ERAP1: variants seen among roughly 807,000 people sequenced by gnomAD.
ERAP1 encodes the protein adipocyte-derived leucine aminopeptidase.
A neutral mutation model predicts 103.7 loss-of-function variants in ERAP1; 86 were observed. The ratio of observed to expected loss-of-function variants is 0.83; its 90% CI spans 0.70 to 0.99. The LOEUF (loss-of-function observed/expected upper bound fraction) is 0.99, where lower values mean the gene tolerates loss of function less well. Among genes scored for constraint, ERAP1 ranks in the 50% least tolerant of loss-of-function variants. The pLI, the probability that ERAP1 is intolerant of heterozygous loss-of-function variation, is 0.00. For synonymous variants in ERAP1, 398 were observed against 402.4 expected (o/e 0.99, Z 0.13); for missense variants, 1,009 against 1,128.4 (o/e 0.89, Z 1.52).
chr5:96,852,570 A>G, the ERAP1 span, among the ~76,000 whole-genome samples: 1 of 152,358 alleles, frequency 6.6e-6, no homozygotes, highest in Admixed American at 6.5e-5. Context: ...GGCAGGATAT[A>G]GTCTCCCTAT....
At chr5:96,840,437 A>C in the ERAP1 span, among the ~76,000 whole-genome samples, 1 of 152,216 alleles carries the variant, frequency 6.6e-6, no homozygotes, top group Non-Finnish European at 1.5e-5. Context: ...AAAGCCCATA[A>C]CATAAAATTT....
Position 96,781,829 on chromosome 5 carries a change from C to T in ERAP1, c.2311G>A (p.Val771Met). Residue 771 changes from valine (V) to methionine (M), a missense_variant, in exon 16 of 19, where the codon GTG becomes ATG. Coordinates refer to ENST00000443439, the MANE Select transcript of ERAP1 (RefSeq NM_001040458.3). The stretch of plus-strand genomic sequence containing the variant: ...GTGCTCTGGGCCCCCACAGCAAACA[C>T]TGCCAAGGTCACGTCGACAGGCAGG... The part of the protein sequence containing the change: ...LSLPVDVTLA[V>M]FAVGAQSTEG... 6.2e-7 allele frequency: 1 copy of T among 1,614,058 alleles called. No homozygotes were observed. The highest frequency in any genetic ancestry group is 8.5e-7 in the Non-Finnish European group (1 of 1,180,014).
At chr5:96,841,316 C>T in the ERAP1 span, among the ~76,000 whole-genome samples, 1 of 152,200 alleles carries the variant, frequency 6.6e-6, no homozygotes, top group Non-Finnish European at 1.5e-5. Flanking sequence ...GTCCTGCTGG[C>T]CATACATAAT....
the ERAP1 span, among the ~76,000 whole-genome samples, chr5:96,861,791 A>G: frequency 3.3e-5 from 5 of 152,218 alleles, no homozygotes; most frequent in African/African-American, 1.2e-4. Flanking sequence ...AGGACATTTA[A>G]CTTCAAAGCC....
At chr5:96,823,823 TA>T in the ERAP1 span, among the ~76,000 whole-genome samples, 3 of 152,350 alleles carry the variant, frequency 2.0e-5, no homozygotes. Context: ...CATTTTCACT[TA>T]AAAGAAGTAC....
chr5:96,906,515 G>A, the ERAP1 span, among the ~76,000 whole-genome samples: 1 of 152,160 alleles, frequency 6.6e-6, no homozygotes, highest in Non-Finnish European at 1.5e-5. Context: ...CAATCCTCCT[G>A]CCTCGGCTTC....
the ERAP1 span, among the ~76,000 whole-genome samples, chr5:96,844,830 G>A: frequency 6.6e-6 from 1 of 152,336 alleles, no homozygotes; most frequent in Admixed American, 6.5e-5. Context: ...AAAAAGGGCT[G>A]TTGATCCAAA....
the ERAP1 span, among the ~76,000 whole-genome samples, chr5:96,900,718 C>T: frequency 6.6e-6 from 1 of 152,020 alleles, no homozygotes; most frequent in African/African-American, 2.4e-5. Context: ...ACTCTGTTGC[C>T]CAGGCTGGAG....
the ERAP1 span, among the ~76,000 whole-genome samples, chr5:96,832,243 C>G: frequency 6.6e-6 from 1 of 152,216 alleles, no homozygotes; most frequent in African/African-American, 2.4e-5. Context: ...GCAAACTTTG[C>G]TCCTGGTGTA....
the ERAP1 span, among the ~76,000 whole-genome samples, chr5:96,869,925 T>G: frequency 6.6e-6 from 1 of 152,172 alleles, no homozygotes; most frequent in Admixed American, 6.5e-5. Context: ...ACCCTCCCAC[T>G]GAAGACAATT....
the ERAP1 span, among the ~76,000 whole-genome samples, chr5:96,846,879 A>G: frequency 1.3e-5 from 2 of 152,148 alleles, no homozygotes; most frequent in African/African-American, 4.8e-5. Context: ...TGAAGGTTCT[A>G]TTTGGATGCT....
At chr5:96,780,017 C>T (rs27041) in intron 18 of ERAP1, among the ~76,000 whole-genome samples, 125,352 of 152,152 alleles carry the variant, frequency 0.82, 51,945 homozygotes, top group Admixed American at 0.88. Flanking sequence ...TAGATGGTTA[C>T]ATAATAAGTG....
the ERAP1 span, chr5:96,896,486 T>C: frequency 1.6e-5 from 26 of 1,613,336 alleles, no homozygotes; most frequent in Non-Finnish European, 2.2e-5. Context: ...AAATGTTTGA[T>C]GAAGTTTCCT....
rs1774040167 is a variant in ERAP1, at chr5:96,775,428, AG to A, written c.*967del. 38 of 985,586 alleles carry A rather than the reference AG, an allele frequency of 3.9e-5. No individual in the cohort carries two copies. Among genetic ancestry groups the A allele is most frequent in the Non-Finnish European group, 4.6e-5 (38 of 829,928 alleles). The allele number at this position is 985,586 out of a possible 1,614,324, so 61.1% of individuals were successfully genotyped here. ...TTGTAAAGTAGGCCAAATAAGAAGC[AG>A]AGAGAGAAAAAAAATCACCTCCCTA... On this transcript the variant is annotated 3_prime_UTR_variant, in exon 19 of 19. Transcript: ENST00000443439.
chr5:96,812,868 C>A (rs1779230408), upstream of ERAP1, among the ~76,000 whole-genome samples: 1 of 152,172 alleles, frequency 6.6e-6, no homozygotes, highest in African/African-American at 2.4e-5. Context: ...TAAGTGAAGT[C>A]TGTGGTTCTA....
At chr5:96,777,799 A>C (rs1581525828) in intron 18 of ERAP1, among the ~76,000 whole-genome samples, 1 of 152,352 alleles carries the variant, frequency 6.6e-6, no homozygotes, top group South Asian at 2.1e-4. Flanking sequence ...CAGCGAAGCC[A>C]GCTGTTAACC....
the ERAP1 span, among the ~76,000 whole-genome samples, chr5:96,820,798 G>C: frequency 6.6e-6 from 1 of 152,136 alleles, no homozygotes; most frequent in Non-Finnish European, 1.5e-5. Context: ...CTCAGATTCA[G>C]AGATACCACT....
chr5:96,763,346 GTGTGTGTATGTGCATGTGCATGTGCA>G (rs1270708876), intron 19 of ERAP1: 4 of 744,184 alleles, frequency 5.4e-6, no homozygotes, highest in African/African-American at 1.7e-5. Flanking sequence ...AATGCCCCGT[GTGTGTGTATGTGCATGTGCATGTGCA>G]TGTGTGTATG....
the ERAP1 span, among the ~76,000 whole-genome samples, chr5:96,920,731 T>C: frequency 0.026 from 4,001 of 152,326 alleles, 176 homozygotes; most frequent in African/African-American, 0.092. Context: ...TTACAACTTA[T>C]ACATTTACAA....
Sources: gnomAD v4.1 joint callset for allele counts (sites outside exome capture counted in the v4.1 genomes callset) on GRCh38, gnomAD v4.1.1 for gene constraint, MANE v1.5 for transcripts, NCBI Gene and HGNC (gene_info 2026-07-23, HGNC 2026-07-21) for gene names.